Variants in NT5C2 observed in about 807,000 individuals in gnomAD.
NT5C2 encodes 5'-nucleotidase, cytosolic II, also known as cytosolic purine 5'-nucleotidase.
NT5C2 carries 58 observed loss-of-function variants against 76.1 expected under a neutral mutation model. That is an observed-to-expected ratio of 0.76 (90% CI 0.62 to 0.95). The LOEUF (loss-of-function observed/expected upper bound fraction) is 0.95. Ranked by LOEUF, NT5C2 falls within the 40% of genes least tolerant of loss-of-function variation. The pLI is 0.00. For missense variants in NT5C2, 478 were observed against 690.3 expected (o/e 0.69, Z 3.45); for synonymous variants, 229 against 237.4 (o/e 0.96, Z 0.32).
chr10:103,177,295 A>T (rs2090167084), intron 2 of NT5C2, among the ~76,000 whole-genome samples: 2 of 152,186 alleles, frequency 1.3e-5, no homozygotes, highest in Non-Finnish European at 1.5e-5. Context: ...GGGCAGCTTA[A>T]GTGTTTTTAA....
In NT5C2 at chr10:103,106,602, T is replaced by C; in HGVS notation, c.280A>G (p.Thr94Ala). The C allele has an allele frequency of 1.2e-6, 2 of 1,606,512 alleles. No homozygotes were observed. Among genetic ancestry groups the C allele is most frequent in the Non-Finnish European group, 1.7e-6 (2 of 1,173,184 alleles). Residue 94 changes from threonine to alanine, a missense_variant, in exon 5 of 19, where the codon ACA (threonine) becomes GCA (alanine). Transcript: ENST00000404739. ...TTTAAAAATTACCTGGTAGGGAATG[T>C]AGAATCATAAGCAAAGCTGAGCAAC... Reference protein sequence around the residue: ...QELLSFAYDSTFPTRGLVFDT... With the variant: ...QELLSFAYDSAFPTRGLVFDT...
chr10:103,164,660 T>C (rs1228975216), intron 3 of NT5C2, among the ~76,000 whole-genome samples: 1 of 152,126 alleles, frequency 6.6e-6, no homozygotes, highest in Non-Finnish European at 1.5e-5. Context: ...CACACAGTAA[T>C]TAAAAAGAAC....
At chr10:103,166,753 AG>A (rs2086508310) in intron 3 of NT5C2, among the ~76,000 whole-genome samples, 1 of 152,048 alleles carries the variant, frequency 6.6e-6, no homozygotes, top group Admixed American at 6.6e-5. Flanking sequence ...CCCAAGTTCA[AG>A]TGATCTTCCT....
intron 18 of NT5C2, 177 bp from the exon 19 acceptor site, chr10:103,090,085 C>T: frequency 2.0e-6 from 1 of 490,114 alleles, no homozygotes; most frequent in Non-Finnish European, 3.5e-6. Flanking sequence ...CTTCCTCTCT[C>T]CCTGCCCCTC....
chr10:103,110,333 G>A (rs1411508905), intron 4 of NT5C2, among the ~76,000 whole-genome samples: 1 of 152,162 alleles, frequency 6.6e-6, no homozygotes, highest in Non-Finnish European at 1.5e-5. Flanking sequence ...GCTCGCACCT[G>A]CAGTCCCAGC....
chr10:103,096,030 T>C, intron 11 of NT5C2, 50 bp from the exon 12 acceptor site: 1 of 1,318,692 alleles, frequency 7.6e-7, no homozygotes, highest in Non-Finnish European at 1.1e-6. Context: ...TTGCAAAAGG[T>C]ATATAACCTA....
In NT5C2 at chr10:103,153,272, G is replaced by T. The variant is rs141882555; in HGVS notation, c.102-13793C>A. Reference sequence around the variant, plus strand: ...TTCACTGAGAAAAATGAAAGAGAAAGAATAATAAAATCACTTACCCTTCCT... The same window carrying T: ...TTCACTGAGAAAAATGAAAGAGAAATAATAATAAAATCACTTACCCTTCCT... On this transcript the variant is annotated intron_variant, in intron 3 of 18. Coordinates refer to ENST00000404739, the MANE Select transcript of NT5C2 (RefSeq NM_001351169.2). The T allele has an allele frequency of 5.2e-4, 658 of 1,277,110 alleles. 4 individuals carry two copies. In the African/African-American group the frequency reaches 9.6e-3, roughly 19 times the overall value. 79.1% of individuals were successfully genotyped at this position (1,277,110 alleles called of 1,614,324 possible).
chr10:103,163,710 TA>T (rs11440429), intron 3 of NT5C2, among the ~76,000 whole-genome samples: 79 of 143,340 alleles, frequency 5.5e-4, no homozygotes, highest in East Asian at 1.0e-3. Flanking sequence ...ACTAAAAACT[TA>T]AAAAAAAAAA....
chr10:103,113,408 C>T (rs1305986409), intron 4 of NT5C2, among the ~76,000 whole-genome samples: 2 of 151,920 alleles, frequency 1.3e-5, no homozygotes, highest in African/African-American at 2.4e-5. Flanking sequence ...CAATTTAAGA[C>T]AGAAAAATTG....
At chr10:103,186,898 G>A (rs1476616629) in intron 1 of NT5C2, among the ~76,000 whole-genome samples, 4 of 141,766 alleles carry the variant, frequency 2.8e-5, no homozygotes, top group Non-Finnish European at 6.1e-5. Context: ...GGGTGACAGA[G>A]CAAGACTCCG....
chr10:103,094,657 G>GC lies in NT5C2; in HGVS notation c.814-203dup, dbSNP rs1308401519. 16 of 490,766 alleles carry GC rather than the reference G, an allele frequency of 3.3e-5. No homozygotes were observed. In the South Asian group the frequency reaches 3.5e-4, roughly 11 times the overall value. 30.4% of individuals were successfully genotyped at this position (490,766 alleles called of 1,614,324 possible). ...CCAGTACTTTGGGAGGCCGAGGCGG[G>GC]CAGATCACAAGGTCCGGAAATCAAG... On this transcript the variant is annotated intron_variant, in intron 12 of 18. Coordinates refer to ENST00000404739, the MANE Select transcript of NT5C2 (RefSeq NM_001351169.2).
At chr10:103,159,229 T>C (rs1173729135) in intron 3 of NT5C2, among the ~76,000 whole-genome samples, 1 of 133,088 alleles carries the variant, frequency 7.5e-6, no homozygotes, top group East Asian at 2.2e-4. Flanking sequence ...GGTAACAGAG[T>C]GAGACCTCAT....
At chr10:103,118,548 TTTG>T (rs1450365436) in intron 4 of NT5C2, among the ~76,000 whole-genome samples, 1 of 151,936 alleles carries the variant, frequency 6.6e-6, no homozygotes, top group African/African-American at 2.4e-5. Context: ...GAGATGCGGT[TTTG>T]TTATGTTGCT....
chr10:103,091,980 T>C (rs930560492), intron 15 of NT5C2, among the ~76,000 whole-genome samples: 10 of 152,226 alleles, frequency 6.6e-5, no homozygotes, highest in Admixed American at 2.6e-4. Context: ...AGATGAAAGA[T>C]TGAGAATCAG....
chr10:103,146,408 ATCT>A (rs1379930403), intron 3 of NT5C2: 2 of 985,448 alleles, frequency 2.0e-6, no homozygotes, highest in African/African-American at 3.5e-5. Context: ...CAAGTATAAA[ATCT>A]TCTTGGGCAT....
intron 3 of NT5C2, among the ~76,000 whole-genome samples, chr10:103,162,639 G>A (rs769172566): frequency 9.2e-5 from 14 of 152,022 alleles, no homozygotes; most frequent in Non-Finnish European, 1.6e-4. Flanking sequence ...ACTATTTTGC[G>A]GTATCTACAA....
chr10:103,146,854 C>G (rs1280610304), intron 3 of NT5C2, among the ~76,000 whole-genome samples: 1 of 152,184 alleles, frequency 6.6e-6, no homozygotes, highest in Non-Finnish European at 1.5e-5. Flanking sequence ...GCACTAATGC[C>G]AAATTAATTG....
chr10:103,140,112 C>T (rs35348020), intron 3 of NT5C2: 18,657 of 152,152 alleles, frequency 0.12, 1,296 homozygotes, highest in Non-Finnish European at 0.15. Context: ...GAGACAGAGG[C>T]TCACCTATGT....
chr10:103,094,964 A>G (rs1036906816), intron 12 of NT5C2, among the ~76,000 whole-genome samples: 11 of 152,184 alleles, frequency 7.2e-5, no homozygotes, highest in African/African-American at 2.2e-4. Context: ...AATAACTGTA[A>G]TAACACATTC....
Sources: allele counts gnomAD v4.1 joint callset (sites outside exome capture counted in the v4.1 genomes callset), GRCh38; gene constraint gnomAD v4.1.1; transcripts MANE v1.5; gene names NCBI Gene and HGNC (gene_info 2026-07-23, HGNC 2026-07-21).